NOS1AP: variants seen among roughly 807,000 people sequenced by gnomAD.
The protein encoded by NOS1AP is carboxyl-terminal PDZ ligand of neuronal nitric oxide synthase protein.
Under a neutral mutation model 56.2 loss-of-function variants are expected in NOS1AP, and 21 were observed. That is an observed-to-expected ratio of 0.37 (90% CI 0.26 to 0.54). The LOEUF (loss-of-function observed/expected upper bound fraction) is 0.54. NOS1AP is among the 20% of genes least tolerant of loss of function. NOS1AP has a pLI of 0.84. For synonymous variants in NOS1AP, 270 were observed against 274.6 expected (o/e 0.98, Z 0.17); for missense variants, 522 against 657.8 (o/e 0.79, Z 2.26).
At chr1:162,206,274 A>G (rs1652161034) in intron 2 of NOS1AP, among the ~76,000 whole-genome samples, 1 of 152,038 alleles carries the variant, frequency 6.6e-6, no homozygotes, top group African/African-American at 2.4e-5. Flanking sequence ...AAAAAGTAGC[A>G]AAGTTTTTTA....
rs559481377 is a variant in NOS1AP, at chr1:162,129,053, T to C, written c.106-25352T>C. Among the ~76,000 whole-genome samples the C allele has an allele frequency of 3.9e-5, 6 of 152,350 alleles. No homozygotes were observed. The East Asian group carries it at 1.2e-3, about 29-fold the overall frequency. On this transcript the variant is annotated intron_variant, in intron 1 of 9. Transcript: ENST00000361897. ...GGATTTGAAGTAATACATTGTTGTATGCTAAATGCATCAGTTTTTTTTTAA... is the reference window on the plus strand; with the variant it reads ...GGATTTGAAGTAATACATTGTTGTACGCTAAATGCATCAGTTTTTTTTTAA...
rs1171487498 is a variant in NOS1AP at position 162,289,233 on chromosome 1, C to CT, written c.270+1799dup. Among the ~76,000 whole-genome samples, 207 of 56,888 alleles carry CT rather than the reference C, an allele frequency of 3.6e-3. 6 individuals carry two copies. Among genetic ancestry groups the CT allele is most frequent in the Middle Eastern group, 0.015 (2 of 130 alleles). 37.3% of individuals were successfully genotyped at this position (56,888 alleles called of 152,430 possible). ...CTTTCCTTCCTTCCTTCCTTCCTTC[C>CT]TTCCTTCCTTCCTTCCTTCCTTCCT... On this transcript the variant is annotated intron_variant, in intron 3 of 9. Transcript: ENST00000361897.
At chr1:162,272,723 C>T (rs1654621428) in intron 2 of NOS1AP, among the ~76,000 whole-genome samples, 1 of 152,096 alleles carries the variant, frequency 6.6e-6, no homozygotes, top group South Asian at 2.1e-4. Flanking sequence ...TGTTCAGAAA[C>T]CAACAAAGTA....
At chr1:162,116,521 C>T (rs758613740) in intron 1 of NOS1AP, among the ~76,000 whole-genome samples, 1 of 152,118 alleles carries the variant, frequency 6.6e-6, no homozygotes, top group Non-Finnish European at 1.5e-5. Flanking sequence ...CATATTTACT[C>T]CTAACTATGG....
intron 2 of NOS1AP, among the ~76,000 whole-genome samples, chr1:162,226,315 C>T (rs1652939946): frequency 6.6e-6 from 1 of 152,112 alleles, no homozygotes; most frequent in Admixed American, 6.6e-5. Context: ...TATTGATTAC[C>T]TGCTATGGTG....
chr1:162,279,707 T>TA (rs1654857445), intron 2 of NOS1AP, among the ~76,000 whole-genome samples: 1 of 152,210 alleles, frequency 6.6e-6, no homozygotes, highest in Non-Finnish European at 1.5e-5. Flanking sequence ...CTTTCTGTTA[T>TA]AAAATGGGGT....
At chr1:162,158,789 G>A (rs1280017645) in intron 2 of NOS1AP, among the ~76,000 whole-genome samples, 1 of 152,152 alleles carries the variant, frequency 6.6e-6, no homozygotes, top group African/African-American at 2.4e-5. Context: ...AAGCTTAAGG[G>A]ACACTCCCCA....
At chr1:162,200,614 G>T (rs1230572317) in intron 2 of NOS1AP, among the ~76,000 whole-genome samples, 1 of 152,174 alleles carries the variant, frequency 6.6e-6, no homozygotes, top group Non-Finnish European at 1.5e-5. Context: ...TTTGGAAAGG[G>T]CTGGACTAGG....
intron 5 of NOS1AP, among the ~76,000 whole-genome samples, chr1:162,339,552 G>A (rs535719528): frequency 1.2e-4 from 19 of 152,230 alleles, no homozygotes; most frequent in African/African-American, 2.6e-4. Context: ...CCTGTATGTC[G>A]TCATGAGGTG....
intron 2 of NOS1AP, among the ~76,000 whole-genome samples, chr1:162,162,977 T>TA (rs961140858): frequency 1.3e-5 from 2 of 152,168 alleles, no homozygotes; most frequent in Non-Finnish European, 2.9e-5. Flanking sequence ...CCAACACCCC[T>TA]AGCCCCAGAC....
intron 2 of NOS1AP, among the ~76,000 whole-genome samples, chr1:162,250,765 G>A (rs116288812): frequency 0.026 from 3,886 of 152,274 alleles, 70 homozygotes; most frequent in Non-Finnish European, 0.037. Flanking sequence ...CCCCTGGCAT[G>A]CGAAGAGTGT....
intron 2 of NOS1AP, among the ~76,000 whole-genome samples, chr1:162,235,683 T>C (rs114210610): frequency 5.6e-4 from 86 of 152,290 alleles, no homozygotes; most frequent in Non-Finnish European, 1.1e-3. Flanking sequence ...AGCAGAGTAG[T>C]GACTGCATCA....
chr1:162,345,203 T>C (rs1657245477), intron 6 of NOS1AP, among the ~76,000 whole-genome samples: 1 of 152,002 alleles, frequency 6.6e-6, no homozygotes, highest in African/African-American at 2.4e-5. Flanking sequence ...ATGTGCACAT[T>C]GTGCAGGTTA....
intron 2 of NOS1AP, among the ~76,000 whole-genome samples, chr1:162,169,366 C>T (rs901093852): frequency 6.6e-6 from 1 of 152,202 alleles, no homozygotes; most frequent in African/African-American, 2.4e-5. Flanking sequence ...GTTTGGCTGC[C>T]TTTAAATTTA....
At chr1:162,244,976 G>C (rs943447063) in intron 2 of NOS1AP, among the ~76,000 whole-genome samples, 1 of 152,122 alleles carries the variant, frequency 6.6e-6, no homozygotes, top group Non-Finnish European at 1.5e-5. Flanking sequence ...TAGGGTGATG[G>C]GAGCTTGAGG....
At chr1:162,172,328 G>A (rs1277099718) in intron 2 of NOS1AP, among the ~76,000 whole-genome samples, 5 of 152,216 alleles carry the variant, frequency 3.3e-5, no homozygotes, top group Non-Finnish European at 5.9e-5. Context: ...TACATTATGA[G>A]CATCTTGGCT....
At chr1:162,174,534 A>G (rs1225379420) in intron 2 of NOS1AP, among the ~76,000 whole-genome samples, 2 of 152,198 alleles carry the variant, frequency 1.3e-5, no homozygotes, top group African/African-American at 4.8e-5. Context: ...CGTTGTGCAC[A>G]TGTACCCTAA....
chr1:162,272,029 T>A lies in NOS1AP; in HGVS notation c.178-15315T>A, dbSNP rs35695806. On this transcript the variant is annotated intron_variant, in intron 2 of 9. Coordinates refer to ENST00000361897, the MANE Select transcript of NOS1AP (RefSeq NM_014697.3). Reference sequence around the variant, plus strand: ...TGAGTAGGGACTGCCAGCTAATTTTTTTTTGTAGACACAGGGTCTCACTAT... The same window carrying A: ...TGAGTAGGGACTGCCAGCTAATTTTATTTTGTAGACACAGGGTCTCACTAT... Among the ~76,000 whole-genome samples the A allele has an allele frequency of 3.1e-3, 479 of 152,252 alleles. 8 individuals carry two copies. The highest frequency in any genetic ancestry group is 0.021 in the Admixed American group (317 of 15,288).
At chr1:162,358,883 T>C (rs1031365886) in intron 8 of NOS1AP, among the ~76,000 whole-genome samples, 2 of 152,232 alleles carry the variant, frequency 1.3e-5, no homozygotes, top group African/African-American at 4.8e-5. Flanking sequence ...GAGAAACTAT[T>C]TGCAAATGTG....
Sources: allele counts gnomAD v4.1 joint callset (sites outside exome capture counted in the v4.1 genomes callset), GRCh38; gene constraint gnomAD v4.1.1; transcripts MANE v1.5; gene names NCBI Gene and HGNC (gene_info 2026-07-23, HGNC 2026-07-21).